The following PTPRJ variants were observed in gnomAD, a reference collection of about 807,000 sequenced individuals.
PTPRJ encodes the protein receptor-type tyrosine-protein phosphatase eta.
Under a neutral mutation model 141.3 loss-of-function variants are expected in PTPRJ, and 129 were observed. The observed-to-expected ratio is 0.91, with a 90% confidence interval of 0.79 to 1.06. The LOEUF is 1.06. Among genes scored for constraint, PTPRJ ranks in the 50% least tolerant of loss-of-function variants. The pLI is 0.00. For missense variants in PTPRJ, 1,601 were observed against 1,679.7 expected (o/e 0.95, Z 0.82); for synonymous variants, 610 against 640.5 (o/e 0.95, Z 0.72).
intron 1 of PTPRJ, among the ~76,000 whole-genome samples, chr11:48,003,104 A>C (rs1455947459): frequency 3.3e-5 from 5 of 152,246 alleles, no homozygotes; most frequent in Admixed American, 6.5e-5. Flanking sequence ...GAAAGGCTAA[A>C]TAAAGAGAAC....
intron 1 of PTPRJ, among the ~76,000 whole-genome samples, chr11:48,066,931 AC>A (rs1221759183): frequency 2.0e-5 from 3 of 152,174 alleles, no homozygotes; most frequent in African/African-American, 7.2e-5. Context: ...AGTTGTGGAC[AC>A]CTTCCAGGGT....
At chr11:48,038,146 C>G (rs1318239288) in intron 1 of PTPRJ, among the ~76,000 whole-genome samples, 1 of 152,084 alleles carries the variant, frequency 6.6e-6, no homozygotes, top group East Asian at 1.9e-4. Context: ...TTTGATTCAT[C>G]TACTTGAAGA....
At chr11:48,148,458 A>G (rs1857403206) in intron 15 of PTPRJ, among the ~76,000 whole-genome samples, 1 of 150,386 alleles carries the variant, frequency 6.6e-6, no homozygotes. Context: ...TTTTTTTGAG[A>G]CAGAGTTTCG....
intron 1 of PTPRJ, among the ~76,000 whole-genome samples, chr11:48,078,795 GTTTTTTTTT>G (rs55980751): frequency 2.1e-5 from 2 of 96,274 alleles, no homozygotes; most frequent in African/African-American, 8.1e-5. Context: ...TCTGTAAATA[GTTTTTTTTT>G]TTTTTTTTTT....
At position 48,164,506 on chromosome 11, in the gene PTPRJ, G is replaced by A. The variant is rs751020534; in HGVS notation, c.3846G>A (p.Val1282=). Residue 1282 remains valine (V), a synonymous_variant, in exon 24 of 25, where the codon GTG becomes GTA. Coordinates refer to ENST00000418331, the MANE Select transcript of PTPRJ (RefSeq NM_002843.4). ...YDLRMHRPLM[V]QTEDQYVFLN... ...TTCGAATGCATAGGCCTTTAATGGT[G>A]CAGACAGAGGTGAGGCCAAGATCTG... 2 of 1,610,704 alleles carry A rather than the reference G, an allele frequency of 1.2e-6. No homozygotes were observed. Among genetic ancestry groups the A allele is most frequent in the East Asian group, 2.2e-5 (1 of 44,708 alleles).
chr11:48,088,520 C>T (rs188938789), intron 1 of PTPRJ, among the ~76,000 whole-genome samples: 244 of 152,244 alleles, frequency 1.6e-3, no homozygotes, highest in African/African-American at 5.5e-3. Context: ...CAGCTCCAAA[C>T]GCTCCTGGCT....
intron 1 of PTPRJ, among the ~76,000 whole-genome samples, chr11:47,997,109 C>T (rs1039973538): frequency 6.6e-6 from 1 of 152,212 alleles, no homozygotes; most frequent in Admixed American, 6.5e-5. Flanking sequence ...CTGGATAACT[C>T]GCTGTTTTGG....
intron 22 of PTPRJ, among the ~76,000 whole-genome samples, chr11:48,162,961 A>C (rs1273349617): frequency 5.3e-5 from 8 of 152,198 alleles, no homozygotes; most frequent in Non-Finnish European, 2.9e-5. Flanking sequence ...TCTAGGGGAC[A>C]TAGTGAATTA....
In PTPRJ at chr11:48,046,483, T is replaced by C. The variant is rs561569284; in HGVS notation, c.97-63575T>C. ...CATTTATTCATCAACAGGTAGTTAT[T>C]AGGTATCTACTCTGTGCTGGGCCCT... On this transcript the variant is annotated intron_variant, in intron 1 of 24. Transcript: ENST00000418331. Among the ~76,000 whole-genome samples, 178 of 152,272 alleles carry C rather than the reference T, an allele frequency of 1.2e-3. 1 individual carries two copies. The highest frequency in any genetic ancestry group is 2.2e-3 in the Non-Finnish European group (148 of 68,024).
At chr11:48,163,682 A>G in intron 23 of PTPRJ, 64 bp downstream of exon 23, 5 of 1,510,006 alleles carry the variant, frequency 3.3e-6, no homozygotes, top group Non-Finnish European at 4.6e-6. Flanking sequence ...TGAGCACTTT[A>G]CAAAAGCAAA....
intron 1 of PTPRJ, among the ~76,000 whole-genome samples, chr11:48,077,248 A>G (rs1397951225): frequency 6.6e-6 from 1 of 152,194 alleles, no homozygotes; most frequent in African/African-American, 2.4e-5. Flanking sequence ...ATAAAGCCTT[A>G]ACTTGTATGT....
intron 1 of PTPRJ, among the ~76,000 whole-genome samples, chr11:48,017,871 A>G (rs1454385285): frequency 6.6e-6 from 1 of 152,240 alleles, no homozygotes; most frequent in East Asian, 1.9e-4. Context: ...TCTCAGGACC[A>G]TCATTGACTC....
rs71045548 is a variant in PTPRJ at position 48,158,398 on chromosome 11, CAT to C, written c.3439-1527_3439-1526del. Among the ~76,000 whole-genome samples, 5,952 of 152,114 alleles carry C rather than the reference CAT, an allele frequency of 0.039. 187 individuals carry two copies. Among genetic ancestry groups the C allele is most frequent in the Middle Eastern group, 0.099 (29 of 294 alleles). Reference sequence around the variant, plus strand: ...AGTGTATTTTCTGCACTAGATTCTCCATATATGTTATTTTTTTTCTGTAACAA... The same window carrying C: ...AGTGTATTTTCTGCACTAGATTCTCCATATGTTATTTTTTTTCTGTAACAA... On this transcript the variant is annotated intron_variant, in intron 21 of 24. Coordinates refer to ENST00000418331, the MANE Select transcript of PTPRJ (RefSeq NM_002843.4). The surrounding 1 kb of genome is among the most constrained non-coding windows in gnomAD (Gnocchi z 4.4).
chr11:47,983,360 G>GT (rs916963593), intron 1 of PTPRJ, among the ~76,000 whole-genome samples: 2 of 152,170 alleles, frequency 1.3e-5, no homozygotes, highest in African/African-American at 4.8e-5. Context: ...GAGCTGACTG[G>GT]TTTTTTGAGG....
chr11:48,128,009 C>G lies in PTPRJ; in HGVS notation c.1323C>G (p.Ile441Met). 6.2e-7 allele frequency: 1 copy of G among 1,613,672 alleles called. No individual in the cohort carries two copies. Among genetic ancestry groups the G allele is most frequent in the South Asian group, 1.1e-5 (1 of 91,082 alleles). The change falls in exon 7 of 25, where the codon ATC becomes ATG. Residue 441 changes from isoleucine to methionine, a missense_variant. Transcript: ENST00000418331. ...NITVCPVLGDIEGTPGFLQVH... is the reference protein window; with the variant it reads ...NITVCPVLGDMEGTPGFLQVH... ...CAGTGTGTCCTGTCCTAGGTGACATCGAGGGCACGCCGGGCTTCCTCCAAG... is the reference window on the plus strand; with the variant it reads ...CAGTGTGTCCTGTCCTAGGTGACATGGAGGGCACGCCGGGCTTCCTCCAAG...
chr11:48,121,871 CA>C (rs956405286), intron 4 of PTPRJ, among the ~76,000 whole-genome samples: 1 of 151,558 alleles, frequency 6.6e-6, no homozygotes, highest in African/African-American at 2.4e-5. Context: ...TGAGGAGAAC[CA>C]AAAATTGAAG....
chr11:48,008,349 C>T (rs1171545231), intron 1 of PTPRJ, among the ~76,000 whole-genome samples: 1 of 152,188 alleles, frequency 6.6e-6, no homozygotes, highest in African/African-American at 2.4e-5. Context: ...CAACCTCCGC[C>T]TCCTGGGTTT....
chr11:47,990,657 C>G (rs1413564730), intron 1 of PTPRJ, among the ~76,000 whole-genome samples: 2 of 151,070 alleles, frequency 1.3e-5, no homozygotes, highest in Non-Finnish European at 2.9e-5. Context: ...AGTGATCTGC[C>G]TGCCTTGGCC....
chr11:48,145,270 T>C (rs1857323853), intron 14 of PTPRJ, 146 bp downstream of exon 14: 1 of 1,169,966 alleles, frequency 8.5e-7, no homozygotes, highest in African/African-American at 1.5e-5. Flanking sequence ...GAGATGTCAC[T>C]GGGTCACCGG....
Sources: allele counts gnomAD v4.1 joint callset (sites outside exome capture counted in the v4.1 genomes callset), GRCh38; gene constraint gnomAD v4.1.1; non-coding constraint Gnocchi (gnomAD v3.1); transcripts MANE v1.5; gene names NCBI Gene and HGNC (gene_info 2026-07-23, HGNC 2026-07-21).